Variants in TAFA2 observed in about 807,000 individuals in gnomAD.
The protein encoded by TAFA2 is TAFA chemokine like family member 2.
A neutral mutation model predicts 18.8 loss-of-function variants in TAFA2; 7 were observed. The ratio of observed to expected loss-of-function variants is 0.37; its 90% CI spans 0.21 to 0.70. The LOEUF is 0.70. TAFA2 is among the 30% of genes least tolerant of loss of function. TAFA2 has a pLI of 0.53. For synonymous variants in TAFA2, 60 were observed against 54.2 expected (o/e 1.11, Z -0.47); for missense variants, 122 against 158.1 (o/e 0.77, Z 1.23).
intron 1 of TAFA2, among the ~76,000 whole-genome samples, chr12:61,926,532 C>T (rs1050673835): frequency 2.0e-5 from 3 of 152,148 alleles, no homozygotes; most frequent in African/African-American, 7.2e-5. Context: ...GAATGCAAGG[C>T]TGGTCCAACA....
chr12:61,908,620 T>C (rs766281806), intron 1 of TAFA2, among the ~76,000 whole-genome samples: 7 of 152,132 alleles, frequency 4.6e-5, no homozygotes, highest in Non-Finnish European at 1.0e-4. Flanking sequence ...TTTTTAAAGT[T>C]TCTAACCTAG....
chr12:61,964,080 T>C (rs1452698033), intron 1 of TAFA2, among the ~76,000 whole-genome samples: 2 of 151,994 alleles, frequency 1.3e-5, no homozygotes, highest in African/African-American at 4.8e-5. Flanking sequence ...TAACTCAAGA[T>C]GGATTAAAGA....
intron 1 of TAFA2, among the ~76,000 whole-genome samples, chr12:62,205,496 T>C (rs1245363691): frequency 6.6e-6 from 1 of 152,216 alleles, no homozygotes; most frequent in African/African-American, 2.4e-5. Context: ...ATCCCAGTGA[T>C]ATCAGAGTTC....
At chr12:62,236,839 TTTG>T (rs1255650996) in intron 1 of TAFA2, among the ~76,000 whole-genome samples, 1 of 152,242 alleles carries the variant, frequency 6.6e-6, no homozygotes, top group African/African-American at 2.4e-5. Context: ...AGCTCCTTTA[TTTG>T]TTATTTGCTT....
intron 1 of TAFA2, among the ~76,000 whole-genome samples, chr12:62,115,619 A>G (rs959833730): frequency 6.6e-6 from 1 of 152,170 alleles, no homozygotes; most frequent in African/African-American, 2.4e-5. Context: ...TTAAAGATGT[A>G]TCCCCTCCCA....
intron 1 of TAFA2, among the ~76,000 whole-genome samples, chr12:62,163,349 GGTTTTT>G (rs146075914): frequency 2.0e-4 from 30 of 152,002 alleles, no homozygotes; most frequent in Non-Finnish European, 3.5e-4. Flanking sequence ...TTAGGAGCTG[GGTTTTT>G]GTTTTTGTTT....
rs3034059 is a variant in TAFA2 at position 61,821,128 on chromosome 12, T to TACACACAC, written c.106+46184_106+46191dup. Among the ~76,000 whole-genome samples, 1,415 of 146,570 alleles carry TACACACAC rather than the reference T, an allele frequency of 9.7e-3. 11 individuals carry two copies. Among genetic ancestry groups the TACACACAC allele is most frequent in the Middle Eastern group, 0.032 (9 of 284 alleles). On this transcript the variant is annotated intron_variant, in intron 2 of 4. Transcript: ENST00000416284. ...GTGTTGACACTTCATTTGATAGGGG[T>TACACACAC]ACACACACACACACACACACACACA...
At chr12:61,772,409 G>A (rs1870071427) in intron 2 of TAFA2, among the ~76,000 whole-genome samples, 1 of 151,654 alleles carries the variant, frequency 6.6e-6, no homozygotes, top group African/African-American at 2.4e-5. Context: ...GCCAAAACCA[G>A]GAAAGGACAT....
chr12:61,741,964 T>TC (rs1868473185), intron 4 of TAFA2, among the ~76,000 whole-genome samples: 1 of 152,138 alleles, frequency 6.6e-6, no homozygotes, highest in Non-Finnish European at 1.5e-5. Context: ...TGGTGAAATC[T>TC]CAGCTCACTG....
chr12:61,849,173 T>C (rs1873535942), intron 2 of TAFA2, among the ~76,000 whole-genome samples: 1 of 152,120 alleles, frequency 6.6e-6, no homozygotes, highest in Non-Finnish European at 1.5e-5. Context: ...AATTTTCATA[T>C]GCATTTTCAT....
chr12:61,927,025 A>C (rs917368919), intron 1 of TAFA2, among the ~76,000 whole-genome samples: 1 of 144,378 alleles, frequency 6.9e-6, no homozygotes, highest in African/African-American at 2.6e-5. Context: ...CAGTAAGCCG[A>C]GATCGCACCA....
At chr12:62,255,114 G>A (rs535370822) in intron 1 of TAFA2, 10 of 152,192 alleles carry the variant, frequency 6.6e-5, no homozygotes, top group South Asian at 4.1e-4. Flanking sequence ...TAACATTAAC[G>A]TATTTTAATT....
intron 2 of TAFA2, among the ~76,000 whole-genome samples, chr12:61,843,985 A>G (rs1310950789): frequency 6.6e-6 from 1 of 152,184 alleles, no homozygotes; most frequent in African/African-American, 2.4e-5. Context: ...GTACAGCATT[A>G]AGAAAATTAT....
Position 61,952,906 on chromosome 12 carries a change from A to G in TAFA2, c.-1-85480T>C, listed in dbSNP as rs1422706634. ...CACCCAAGATCAAGTTTTTTAGATC[A>G]TTTCTCCTCTTTTATATTTTATAAA... On this transcript the variant is annotated intron_variant, in intron 1 of 4. Coordinates refer to ENST00000416284, the MANE Select transcript of TAFA2 (RefSeq NM_178539.5). Among the ~76,000 whole-genome samples, 3 of 152,088 alleles carry G rather than the reference A, an allele frequency of 2.0e-5. 1 individual carries two copies. The highest frequency in any genetic ancestry group is 2.0e-4 in the Admixed American group (3 of 15,240).
chr12:62,188,473 T>C (rs1263790217), intron 1 of TAFA2, among the ~76,000 whole-genome samples: 1 of 152,150 alleles, frequency 6.6e-6, no homozygotes, highest in African/African-American at 2.4e-5. Flanking sequence ...CATTAGAGAG[T>C]TCGTCAGTAA....
At chr12:61,914,874 A>G (rs532803728) in intron 1 of TAFA2, among the ~76,000 whole-genome samples, 1 of 152,268 alleles carries the variant, frequency 6.6e-6, no homozygotes, top group East Asian at 1.9e-4. Flanking sequence ...GAAGAGAATG[A>G]TGTGTTGGCC....
At chr12:62,257,204 T>C (rs1436991016) in intron 1 of TAFA2, among the ~76,000 whole-genome samples, 1 of 96,640 alleles carries the variant, frequency 1.0e-5, no homozygotes. Context: ...GTGTGTGTGA[T>C]TTGCTAAGTC....
intron 2 of TAFA2, among the ~76,000 whole-genome samples, chr12:61,826,261 C>A (rs374762355): frequency 5.3e-5 from 8 of 151,916 alleles, no homozygotes; most frequent in African/African-American, 1.9e-4. Context: ...GACAGTACTA[C>A]CCTTTAAAAA....
At chr12:61,737,749 A>T (rs1466848288) in intron 4 of TAFA2, among the ~76,000 whole-genome samples, 1 of 151,804 alleles carries the variant, frequency 6.6e-6, no homozygotes. Context: ...TTTTAAAATA[A>T]ATTTATTTGC....
Sources: gnomAD v4.1 joint callset for allele counts (sites outside exome capture counted in the v4.1 genomes callset) on GRCh38, gnomAD v4.1.1 for gene constraint, MANE v1.5 for transcripts, NCBI Gene and HGNC (gene_info 2026-07-23, HGNC 2026-07-21) for gene names.